KMT5B: variants seen among roughly 807,000 people sequenced by gnomAD.
KMT5B encodes lysine methyltransferase 5B.
KMT5B carries 10 observed loss-of-function variants against 83.2 expected under a neutral mutation model. The observed-to-expected ratio is 0.12, with a 90% CI of 0.07 to 0.20. The LOEUF is 0.20. Ranked by LOEUF, KMT5B falls within the 10% of genes least tolerant of loss-of-function variation. The pLI, the probability that KMT5B is intolerant of heterozygous loss-of-function variation, is 1.00. For missense variants in KMT5B, 753 were observed against 1,067.2 expected (o/e 0.71, Z 4.10); for synonymous variants, 349 against 388.8 (o/e 0.90, Z 1.20).
intron 1 of KMT5B, among the ~76,000 whole-genome samples, chr11:68,197,114 G>A (rs543952937): frequency 9.9e-5 from 15 of 152,144 alleles, no homozygotes; most frequent in South Asian, 2.1e-4. Flanking sequence ...AGGACTACAG[G>A]TGCGCACCAC....
At position 68,177,388 on chromosome 11, in the gene KMT5B, CT is replaced by C. The variant is rs1430546380; in HGVS notation, c.378-2206del. On this transcript the variant is annotated intron_variant, in intron 4 of 10. Coordinates refer to ENST00000304363, the MANE Select transcript of KMT5B (RefSeq NM_017635.5). ...ATGAGGGGAAGTCTAAGCAGAAGAT[CT>C]TAATCAAGCTGGATTCAAAGAGTTG... 3.3e-5 allele frequency among the ~76,000 whole-genome samples: 5 copies of C among 152,268 alleles called. No individual in the cohort carries two copies. The East Asian group carries it at 9.6e-4, about 29-fold the overall frequency.
chr11:68,194,044 A>C (rs1159545076), intron 1 of KMT5B, among the ~76,000 whole-genome samples: 3 of 152,142 alleles, frequency 2.0e-5, no homozygotes, highest in African/African-American at 7.2e-5. Context: ...GGAGCCTTGG[A>C]TCTTGGATCC....
At chr11:68,209,862 T>TC (rs376554530) in intron 1 of KMT5B, among the ~76,000 whole-genome samples, 29 of 148,044 alleles carry the variant, frequency 2.0e-4, no homozygotes, top group African/African-American at 5.7e-4. Flanking sequence ...CTGTTTTCTT[T>TC]CCCCCTTTTT....
intron 3 of KMT5B, among the ~76,000 whole-genome samples, chr11:68,182,479 T>A (rs1486810384): frequency 6.6e-6 from 1 of 152,152 alleles, no homozygotes; most frequent in Non-Finnish European, 1.5e-5. Context: ...TGTTTTTTAA[T>A]ATAGGGTTTC....
At chr11:68,185,718 C>T in intron 3 of KMT5B, 63 bp downstream of exon 3, 1 of 1,441,816 alleles carries the variant, frequency 6.9e-7, no homozygotes, top group Non-Finnish European at 9.3e-7. Flanking sequence ...GTAAAATTAG[C>T]CATCTATGTT....
intron 1 of KMT5B, among the ~76,000 whole-genome samples, chr11:68,198,816 G>A (rs930998348): frequency 6.6e-6 from 1 of 152,058 alleles, no homozygotes; most frequent in African/African-American, 2.4e-5. Context: ...TGCAACCTCC[G>A]CTTCCCGGGT....
chr11:68,177,019 A>G (rs756588809), intron 4 of KMT5B, among the ~76,000 whole-genome samples: 5 of 152,222 alleles, frequency 3.3e-5, no homozygotes, highest in Non-Finnish European at 5.9e-5. Flanking sequence ...AAGCTATCAT[A>G]TATGTATTCA....
At chr11:68,163,969 C>T (rs569213708) in intron 10 of KMT5B, among the ~76,000 whole-genome samples, 1 of 152,264 alleles carries the variant, frequency 6.6e-6, no homozygotes, top group African/African-American at 2.4e-5. Flanking sequence ...CCTGCAGAGA[C>T]CCGTGTCCGC....
intron 1 of KMT5B, among the ~76,000 whole-genome samples, chr11:68,195,112 G>A (rs971618489): frequency 2.0e-5 from 3 of 152,108 alleles, no homozygotes; most frequent in African/African-American, 4.8e-5. Flanking sequence ...AGGAAATTGC[G>A]GACACAGTGA....
chr11:68,162,144 C>A (rs944751647), intron 10 of KMT5B, among the ~76,000 whole-genome samples: 1 of 152,194 alleles, frequency 6.6e-6, no homozygotes, highest in Non-Finnish European at 1.5e-5. Flanking sequence ...TTCCCTGTCT[C>A]GAAAGCCACA....
chr11:68,164,197 C>G (rs1456455318), intron 10 of KMT5B, among the ~76,000 whole-genome samples: 4 of 152,206 alleles, frequency 2.6e-5, no homozygotes, highest in East Asian at 3.9e-4. Flanking sequence ...CACCATAGCT[C>G]TCAAGGTACT....
Position 68,156,058 on chromosome 11 carries a change from T to G in KMT5B, c.*1630A>C, listed in dbSNP as rs1375746737. On this transcript the variant is annotated 3_prime_UTR_variant, in exon 11 of 11. Coordinates refer to ENST00000304363, the MANE Select transcript of KMT5B (RefSeq NM_017635.5). ...ATATCCCCCCAAACCTGGAAACTAG[T>G]AGGAATCAATTAGTAGTAACAGTAA... 2.0e-5 allele frequency: 3 copies of G among 152,196 alleles called. No individual in the cohort carries two copies. Among genetic ancestry groups the G allele is most frequent in the Non-Finnish European group, 2.9e-5 (2 of 68,034 alleles). 9.4% of individuals were successfully genotyped at this position (152,196 alleles called of 1,614,324 possible). A position where few individuals can be genotyped will look rare whatever the true frequency, so the allele number is the denominator to read the frequency against.
intron 10 of KMT5B, chr11:68,166,147 CAA>C (rs1236347788): frequency 7.1e-7 from 1 of 1,408,506 alleles, no homozygotes; most frequent in East Asian, 2.6e-5. Flanking sequence ...AAGTGAGACT[CAA>C]GAGTCTACTG....
In KMT5B at chr11:68,155,924, C is replaced by T. The variant is rs923917590; in HGVS notation, c.*1764G>A. On this transcript the variant is annotated 3_prime_UTR_variant, in exon 11 of 11. Coordinates refer to ENST00000304363, the MANE Select transcript of KMT5B (RefSeq NM_017635.5). ...ACTATGTAAGACTGCAGAAGTAGTT[C>T]CTTAGAGAACCAGGAGAAAACAATC... 18 of 152,178 alleles carry T rather than the reference C, an allele frequency of 1.2e-4. No individual in the cohort carries two copies. Among genetic ancestry groups the T allele is most frequent in the African/African-American group, 4.1e-4 (17 of 41,430 alleles). 9.4% of individuals were successfully genotyped at this position (152,178 alleles called of 1,614,324 possible).
intron 10 of KMT5B, among the ~76,000 whole-genome samples, chr11:68,163,428 A>T (rs1275166749): frequency 6.6e-6 from 1 of 152,164 alleles, no homozygotes; most frequent in African/African-American, 2.4e-5. Flanking sequence ...TATACAGAAG[A>T]ATTATGGTGT....
At chr11:68,170,717 T>C (rs1855762673) in intron 9 of KMT5B, among the ~76,000 whole-genome samples, 1 of 152,194 alleles carries the variant, frequency 6.6e-6, no homozygotes, top group South Asian at 2.1e-4. Context: ...ATTGCGTGTG[T>C]GCATGTGTGT....
intron 1 of KMT5B, among the ~76,000 whole-genome samples, chr11:68,208,088 C>T (rs75480561): frequency 1.3e-5 from 2 of 150,214 alleles, no homozygotes; most frequent in East Asian, 2.2e-4. Context: ...TCACCTGTCT[C>T]GGCCTCCCAA....
intron 2 of KMT5B, among the ~76,000 whole-genome samples, chr11:68,186,260 C>G (rs1257351109): frequency 6.6e-6 from 1 of 152,146 alleles, no homozygotes; most frequent in African/African-American, 2.4e-5. Flanking sequence ...AGCATGTTCA[C>G]TATTTTAACA....
intron 1 of KMT5B, among the ~76,000 whole-genome samples, chr11:68,207,541 C>T (rs988159746): frequency 1.3e-4 from 20 of 151,972 alleles, no homozygotes; most frequent in African/African-American, 4.6e-4. Context: ...GCCTGTAATC[C>T]CAGCACTTTG....
Sources: gnomAD v4.1 joint callset for allele counts (sites outside exome capture counted in the v4.1 genomes callset) on GRCh38, gnomAD v4.1.1 for gene constraint, MANE v1.5 for transcripts, NCBI Gene and HGNC (gene_info 2026-07-23, HGNC 2026-07-21) for gene names.